The following PPFIBP1 variants were observed in gnomAD, a reference collection of about 807,000 sequenced individuals.
PPFIBP1 encodes the protein PPFIB scaffold protein 1.
Under a neutral mutation model 137.8 loss-of-function variants are expected in PPFIBP1, and 112 were observed. The observed-to-expected ratio is 0.81, with a 90% CI of 0.70 to 0.95. PPFIBP1 has a LOEUF of 0.95. Among genes scored for constraint, PPFIBP1 ranks in the 40% least tolerant of loss-of-function variants. The pLI, the probability that PPFIBP1 is intolerant of heterozygous loss-of-function variation, is 0.00. For synonymous variants in PPFIBP1, 378 were observed against 417.3 expected (o/e 0.91, Z 1.15); for missense variants, 1,083 against 1,196.6 (o/e 0.91, Z 1.40).
At chr12:27,664,502 C>T (rs1419113161) in intron 12 of PPFIBP1, 56 bp downstream of exon 12, 2 of 1,228,086 alleles carry the variant, frequency 1.6e-6, no homozygotes, top group Non-Finnish European at 2.4e-6. Flanking sequence ...TGGCTATAAA[C>T]TTACACATTT....
chr12:27,541,101 T>C lies in PPFIBP1; in HGVS notation c.-124+16736T>C, dbSNP rs187430373. Among the ~76,000 whole-genome samples, 808 of 152,334 alleles carry C rather than the reference T, an allele frequency of 5.3e-3. 3 individuals are homozygous for C. The highest frequency in any genetic ancestry group is 0.019 in the South Asian group (94 of 4,830). On this transcript the variant is annotated intron_variant, in intron 1 of 29. Transcript: ENST00000228425. ...TGTCTATACTAAAATGAACCCTTACTGCTCTGGAAGTCTCTATTCTGAATA... is the reference window on the plus strand; with the variant it reads ...TGTCTATACTAAAATGAACCCTTACCGCTCTGGAAGTCTCTATTCTGAATA...
rs201006068 is a variant in PPFIBP1, at chr12:27,680,035, G to A, written c.1869G>A (p.Trp623Ter). The A allele has an allele frequency of 1.3e-5, 21 of 1,613,956 alleles. No homozygotes were observed. The highest frequency in any genetic ancestry group is 1.7e-5 in the Non-Finnish European group (20 of 1,179,968). Residue 623 changes from tryptophan (W) to a stop codon, truncating the protein, a stop_gained, in exon 21 of 30, where the codon TGG becomes TGA. Transcript: ENST00000228425. LOFTEE classifies it high-confidence loss of function. The stretch of plus-strand genomic sequence containing the variant: ...CAACCGCGGGGCCCCGATTAGGTTG[G>A]TCTCGAGACTTGGGACAGTCTAACA... Reference protein sequence around the residue: ...TRATAGPRLGWSRDLGQSNSD... With the variant: ...TRATAGPRLG
intron 1 of PPFIBP1, chr12:27,538,278 G>T (rs1196340804): frequency 6.6e-6 from 1 of 152,218 alleles, no homozygotes; most frequent in Non-Finnish European, 1.5e-5. Flanking sequence ...ACTCACTCGT[G>T]CAGGAACTTT....
rs531669851 is a variant in PPFIBP1 at position 27,692,035 on chromosome 12, A to G, written c.2865+107A>G. 5 of 967,398 alleles carry G rather than the reference A, an allele frequency of 5.2e-6. No individual in the cohort carries two copies. The African/African-American group carries it at 8.2e-5, about 16-fold the overall frequency. 59.9% of individuals were successfully genotyped at this position (967,398 alleles called of 1,614,324 possible). A position where few individuals can be genotyped will look rare whatever the true frequency, so the allele number is the denominator to read the frequency against. On this transcript the variant is annotated intron_variant, in intron 28 of 29. Coordinates refer to ENST00000228425, the MANE Select transcript of PPFIBP1 (RefSeq NM_003622.4). ...CAAGGACATTTTCTTCAAATAACTA[A>G]AAATACAGATAATAATAGTGAACAC...
At chr12:27,645,161 A>G (rs2058383915) in intron 4 of PPFIBP1, among the ~76,000 whole-genome samples, 1 of 152,204 alleles carries the variant, frequency 6.6e-6, no homozygotes, top group Admixed American at 6.5e-5. Flanking sequence ...TTCGGATTTC[A>G]GCTGGCTTTT....
chr12:27,671,908 C>T (rs987464441), intron 14 of PPFIBP1, among the ~76,000 whole-genome samples: 12 of 152,030 alleles, frequency 7.9e-5, no homozygotes, highest in Non-Finnish European at 1.6e-4. Context: ...CCCGTCTTTA[C>T]TGAAAATACA....
chr12:27,553,358 G>A (rs1946971373), intron 1 of PPFIBP1, among the ~76,000 whole-genome samples: 1 of 152,180 alleles, frequency 6.6e-6, no homozygotes, highest in South Asian at 2.1e-4. Flanking sequence ...GTGCTCTGCT[G>A]TGTTGGTTCT....
chr12:27,653,405 G>T (rs951825730), intron 7 of PPFIBP1, among the ~76,000 whole-genome samples: 20 of 151,956 alleles, frequency 1.3e-4, no homozygotes, highest in African/African-American at 4.8e-4. Context: ...GGTCAACATG[G>T]TAAAACCCCC....
At chr12:27,634,312 C>T (rs565616524) in intron 3 of PPFIBP1, among the ~76,000 whole-genome samples, 2 of 152,216 alleles carry the variant, frequency 1.3e-5, no homozygotes, top group South Asian at 2.1e-4. Flanking sequence ...CAGGCACACG[C>T]CACTGCACTT....
At position 27,687,527 on chromosome 12, in the gene PPFIBP1, G is replaced by A. The variant is rs1326815407; in HGVS notation, c.2370+20G>A. ...GATGAGGTAGTGTTTTAAGATTGAG[G>A]TTTATAAGCATGCACTTCCCAGGCA... On this transcript the variant is annotated intron_variant, in intron 25 of 29. Transcript: ENST00000228425. The A allele has an allele frequency of 6.2e-7, 1 of 1,611,936 alleles. No homozygotes were observed. The highest frequency in any genetic ancestry group is 1.7e-5 in the Admixed American group (1 of 59,942).
At chr12:27,602,120 C>T (rs1285643957) in intron 2 of PPFIBP1, among the ~76,000 whole-genome samples, 1 of 152,104 alleles carries the variant, frequency 6.6e-6, no homozygotes, top group Non-Finnish European at 1.5e-5. Flanking sequence ...GAACATTGAG[C>T]AAAAAGTTTC....
At chr12:27,677,452 C>T (rs1447437105) in intron 19 of PPFIBP1, 4 of 274,742 alleles carry the variant, frequency 1.5e-5, no homozygotes, top group Admixed American at 9.2e-5. Context: ...CAGGTCCTTG[C>T]AGTCCGTTCT....
At chr12:27,536,411 C>T (rs748859583) in intron 1 of PPFIBP1, among the ~76,000 whole-genome samples, 6 of 152,142 alleles carry the variant, frequency 3.9e-5, no homozygotes, top group Non-Finnish European at 8.8e-5. Flanking sequence ...GGCGAGGCCC[C>T]CAGGAAGCTT....
intron 2 of PPFIBP1, among the ~76,000 whole-genome samples, chr12:27,620,595 A>T (rs1445384639): frequency 6.6e-6 from 1 of 152,200 alleles, no homozygotes; most frequent in Non-Finnish European, 1.5e-5. Context: ...GGCACGGTAT[A>T]TAATTAAGAG....
intron 5 of PPFIBP1, 79 bp downstream of exon 5, chr12:27,646,227 G>A: frequency 1.8e-6 from 2 of 1,119,364 alleles, no homozygotes; most frequent in Non-Finnish European, 2.7e-6. Context: ...AATTCAGATT[G>A]CTTGCAGCAA....
chr12:27,650,502 A>C (rs1449972972), intron 7 of PPFIBP1, among the ~76,000 whole-genome samples: 2 of 152,214 alleles, frequency 1.3e-5, no homozygotes, highest in Non-Finnish European at 2.9e-5. Context: ...AGTAGTTATT[A>C]TTTAGGCACA....
At chr12:27,580,416 G>T (rs992429744) in intron 2 of PPFIBP1, among the ~76,000 whole-genome samples, 3 of 152,102 alleles carry the variant, frequency 2.0e-5, no homozygotes, top group Admixed American at 6.6e-5. Context: ...GACCTTTCTG[G>T]ATCAGCTTCC....
chr12:27,655,227 T>C, intron 8 of PPFIBP1: 1 of 1,526,730 alleles, frequency 6.5e-7, no homozygotes, highest in East Asian at 2.4e-5. Context: ...AAAATGGGAG[T>C]CACTGAAGGT....
At position 27,691,895 on chromosome 12, in the gene PPFIBP1, G is replaced by T. The variant is rs776218544; in HGVS notation, c.2832G>T (p.Leu944=). ...KGFKPGLDMR[L]YEEDDLDRLE... ...TTAAACCTGGTTTGGATATGCGCCT[G>T]TATGAGGAAGATGATTTGGACCGGT... The change falls in exon 28 of 30, where the codon CTG becomes CTT. Residue 944 remains leucine, a synonymous_variant. Transcript: ENST00000228425. 1 of 1,612,946 alleles carries T rather than the reference G, an allele frequency of 6.2e-7. No individual in the cohort carries two copies.
Sources: allele counts gnomAD v4.1 joint callset (sites outside exome capture counted in the v4.1 genomes callset), GRCh38; gene constraint gnomAD v4.1.1; transcripts MANE v1.5; gene names NCBI Gene and HGNC (gene_info 2026-07-23, HGNC 2026-07-21).